The following CSNK1G2 variants were observed in gnomAD, a reference collection of about 807,000 sequenced individuals.
CSNK1G2 encodes casein kinase 1 gamma 2, also known as casein kinase I isoform gamma-2.
Under a neutral mutation model 48.0 loss-of-function variants are expected in CSNK1G2, and 11 were observed. The observed-to-expected ratio is 0.23, with a 90% CI of 0.14 to 0.38. CSNK1G2 has a LOEUF of 0.38. Ranked by LOEUF, CSNK1G2 falls within the 10% of genes least tolerant of loss-of-function variation. The pLI, the probability that CSNK1G2 is intolerant of heterozygous loss-of-function variation, is 1.00. For missense variants in CSNK1G2, 446 were observed against 595.5 expected, an observed-to-expected ratio of 0.75 and a Z score of 2.61; for synonymous variants, 337 against 254.1, an observed-to-expected ratio of 1.33 and a Z score of -3.10.
intron 1 of CSNK1G2, among the ~76,000 whole-genome samples, chr19:1,951,889 C>T (rs1386727360): frequency 3.9e-5 from 6 of 152,196 alleles, no homozygotes; most frequent in South Asian, 2.1e-4. Context: ...ACCGTGTTAG[C>T]GAAGATGGTC....
intron 2 of CSNK1G2, chr19:1,975,061 C>T (rs779042380): frequency 1.4e-4 from 136 of 985,324 alleles, no homozygotes; most frequent in Non-Finnish European, 1.6e-4. Flanking sequence ...GTCTCTGACA[C>T]GCCAGCCGCA....
At chr19:1,962,886 C>T (rs192485908) in intron 1 of CSNK1G2, among the ~76,000 whole-genome samples, 12 of 152,194 alleles carry the variant, frequency 7.9e-5, no homozygotes, top group Non-Finnish European at 1.3e-4. Flanking sequence ...TGCGCAGACG[C>T]CGCCGTGGAC....
intron 1 of CSNK1G2, among the ~76,000 whole-genome samples, chr19:1,964,816 C>T (rs1024741531): frequency 4.0e-5 from 6 of 151,592 alleles, no homozygotes; most frequent in Non-Finnish European, 7.4e-5. Context: ...AGCTCCCCCT[C>T]CCGGGTTCAC....
chr19:1,975,428 C>T lies in CSNK1G2; in HGVS notation c.188-2877C>T, dbSNP rs576561458. 52 of 985,454 alleles carry T rather than the reference C, an allele frequency of 5.3e-5. 1 individual carries two copies. In the South Asian group the frequency reaches 1.0e-3, roughly 20 times the overall value. 61.0% of individuals were successfully genotyped at this position (985,454 alleles called of 1,614,324 possible). On this transcript the variant is annotated intron_variant, in intron 2 of 11. Coordinates refer to ENST00000255641, the MANE Select transcript of CSNK1G2 (RefSeq NM_001319.7). ...GGAAGAGCTACACAGCCGTGTTCGCCGGAACTCCGCTCTGGAGAGTCAGAA... is the reference window on the plus strand; with the variant it reads ...GGAAGAGCTACACAGCCGTGTTCGCTGGAACTCCGCTCTGGAGAGTCAGAA...
chr19:1,959,009 A>C (rs1398701438), intron 1 of CSNK1G2, among the ~76,000 whole-genome samples: 1 of 142,786 alleles, frequency 7.0e-6, no homozygotes, highest in Non-Finnish European at 1.5e-5. Context: ...GTGGCTTCCC[A>C]GTCTGCATCT....
In CSNK1G2 at chr19:1,980,419, C is replaced by T. The variant is rs769899911; in HGVS notation, c.*216C>T. ...AAGACTTTGGCCGAAATTTCTACAC[C>T]TGTGTCTAGTCCTCCCCTCCAAGAG... On this transcript the variant is annotated 3_prime_UTR_variant, in exon 12 of 12. Coordinates refer to ENST00000255641, the MANE Select transcript of CSNK1G2 (RefSeq NM_001319.7). 6.3e-6 allele frequency: 4 copies of T among 631,518 alleles called. No homozygotes were observed. The highest frequency in any genetic ancestry group is 5.4e-5 in the South Asian group (3 of 55,832). The allele number at this position is 631,518 out of a possible 1,614,324, so 39.1% of individuals were successfully genotyped here. A position where few individuals can be genotyped will look rare whatever the true frequency, so the allele number is the denominator to read the frequency against.
At chr19:1,948,380 G>A (rs1014358975) in intron 1 of CSNK1G2, among the ~76,000 whole-genome samples, 6 of 152,284 alleles carry the variant, frequency 3.9e-5, no homozygotes, top group Admixed American at 2.6e-4. Flanking sequence ...AAAATTAGCC[G>A]GGCGCGGTGG....
rs1043846045 is a variant in CSNK1G2 at position 1,979,306 on chromosome 19, C to G, written c.769-13C>G. The stretch of plus-strand genomic sequence containing the variant: ...CGCAGGGCGGGAGCAAGGCTGACCA[C>G]AGACCCCCGCAGGCCGACACGCTCA... On this transcript the variant is annotated splice_polypyrimidine_tract_variant and intron_variant, in intron 7 of 11. Transcript: ENST00000255641. 3 of 1,593,214 alleles carry G rather than the reference C, an allele frequency of 1.9e-6. No individual in the cohort carries two copies. In the African/African-American group the frequency reaches 4.0e-5, roughly 21 times the overall value.
chr19:1,980,360 C>A lies in CSNK1G2; in HGVS notation c.*157C>A. 1.1e-6 allele frequency: 1 copy of A among 874,798 alleles called. No homozygotes were observed. Among genetic ancestry groups the A allele is most frequent in the East Asian group, 2.5e-5 (1 of 39,236 alleles). The allele number at this position is 874,798 out of a possible 1,614,324, so 54.2% of individuals were successfully genotyped here. Reference sequence around the variant, plus strand: ...GGGGCCGCGCCTGGCTCAGGCGGCCCCACCCCCGGGACGTGGGGTCACTTC... The same window carrying A: ...GGGGCCGCGCCTGGCTCAGGCGGCCACACCCCCGGGACGTGGGGTCACTTC... On this transcript the variant is annotated 3_prime_UTR_variant, in exon 12 of 12. Coordinates refer to ENST00000255641, the MANE Select transcript of CSNK1G2 (RefSeq NM_001319.7).
At chr19:1,959,964 C>T (rs560013230) in intron 1 of CSNK1G2, among the ~76,000 whole-genome samples, 6 of 152,292 alleles carry the variant, frequency 3.9e-5, no homozygotes, top group African/African-American at 1.2e-4. Flanking sequence ...TTTGGGTTCA[C>T]GGTCCTCCTG....
At chr19:1,969,306 G>A (rs189409426) in intron 1 of CSNK1G2, among the ~76,000 whole-genome samples, 4 of 135,150 alleles carry the variant, frequency 3.0e-5, no homozygotes, top group East Asian at 5.0e-4. Flanking sequence ...CAGCCACGCC[G>A]AGATCTCTGG....
At chr19:1,956,906 T>C (rs925430743) in intron 1 of CSNK1G2, among the ~76,000 whole-genome samples, 2 of 151,806 alleles carry the variant, frequency 1.3e-5, no homozygotes, top group African/African-American at 4.8e-5. Context: ...GGTTGATGGG[T>C]TAATTCAGTT....
At chr19:1,960,542 C>CGT (rs955245675) in intron 1 of CSNK1G2, among the ~76,000 whole-genome samples, 1 of 152,160 alleles carries the variant, frequency 6.6e-6, no homozygotes, top group South Asian at 2.1e-4. Context: ...CTGGGGTCTC[C>CGT]GTGTGTGTGT....
intron 1 of CSNK1G2, among the ~76,000 whole-genome samples, chr19:1,943,407 A>G (rs2014439808): frequency 6.6e-6 from 1 of 152,218 alleles, no homozygotes. Flanking sequence ...CACTTTGTGC[A>G]GACAGATTTT....
At chr19:1,950,170 C>T (rs546730498) in intron 1 of CSNK1G2, among the ~76,000 whole-genome samples, 6 of 152,116 alleles carry the variant, frequency 3.9e-5, no homozygotes, top group South Asian at 2.1e-4. Context: ...GACGGAGTCT[C>T]GCTCTGTCCC....
At chr19:1,960,269 C>A (rs1306810421) in intron 1 of CSNK1G2, among the ~76,000 whole-genome samples, 1 of 152,354 alleles carries the variant, frequency 6.6e-6, no homozygotes, top group Non-Finnish European at 1.5e-5. Context: ...CCTGCCCCTT[C>A]CCCCTCCCTA....
At position 1,957,675 on chromosome 19, in the gene CSNK1G2, C is replaced by T. The variant is rs1599298933; in HGVS notation, c.-265-11833C>T. 3.9e-5 allele frequency among the ~76,000 whole-genome samples: 6 copies of T among 152,272 alleles called. No individual in the cohort carries two copies. In the South Asian group the frequency reaches 1.2e-3, roughly 32 times the overall value. On this transcript the variant is annotated intron_variant, in intron 1 of 11. Coordinates refer to ENST00000255641, the MANE Select transcript of CSNK1G2 (RefSeq NM_001319.7). This position sits in a 1 kb window ranked among gnomAD's most constrained non-coding sequence, Gnocchi z 5.4. ...GGCAGAGACTGGAGGGTGCGCAGGA[C>T]CCCGGGTGACTGCAGACGTGGGCAC...
chr19:1,968,520 C>G (rs2015456087), intron 1 of CSNK1G2, among the ~76,000 whole-genome samples: 1 of 152,226 alleles, frequency 6.6e-6, no homozygotes, highest in Non-Finnish European at 1.5e-5. Flanking sequence ...GCCATGAGCC[C>G]CTGTCCAGAC....
At position 1,978,504 on chromosome 19, in the gene CSNK1G2, C is replaced by T. The variant is rs753975205; in HGVS notation, c.291C>T (p.Ser97=). The T allele has an allele frequency of 3.1e-6, 5 of 1,591,150 alleles. No homozygotes were observed. In the South Asian group the frequency reaches 4.5e-5, roughly 14 times the overall value. Residue 97 remains serine (S), a synonymous_variant, in exon 4 of 12, where the codon AGC becomes AGT. Coordinates refer to ENST00000255641, the MANE Select transcript of CSNK1G2 (RefSeq NM_001319.7). The surrounding 1 kb of genome is among the most constrained non-coding windows in gnomAD (Gnocchi z 7.3). The stretch of plus-strand genomic sequence containing the variant: ...AGTACCGGTTCTACAAGCAGCTCAG[C>T]GCCACAGGTACCGGGCGGCCCGCGG... ...HLEYRFYKQL[S]ATEGVPQVYY...
Sources: allele counts gnomAD v4.1 joint callset (sites outside exome capture counted in the v4.1 genomes callset), GRCh38; gene constraint gnomAD v4.1.1; non-coding constraint Gnocchi (gnomAD v3.1); transcripts MANE v1.5; gene names NCBI Gene and HGNC (gene_info 2026-07-23, HGNC 2026-07-21).